Variants in HPCAL1 observed in about 807,000 individuals in gnomAD.
HPCAL1 encodes hippocalcin like 1.
A neutral mutation model predicts 17.1 loss-of-function variants in HPCAL1; 8 were observed. The ratio of observed to expected loss-of-function variants is 0.47; its 90% confidence interval spans 0.27 to 0.84. The LOEUF (loss-of-function observed/expected upper bound fraction) is 0.84, where lower values mean the gene tolerates loss of function less well. Ranked by LOEUF, HPCAL1 falls within the 40% of genes least tolerant of loss-of-function variation. HPCAL1 has a pLI of 0.13. For synonymous variants in HPCAL1, 112 were observed against 111.4 expected (o/e 1.01, Z -0.03); for missense variants, 165 against 271.1 (o/e 0.61, Z 2.75).
At chr2:10,328,273 T>G (rs1002471218) in intron 1 of HPCAL1, among the ~76,000 whole-genome samples, 1 of 152,238 alleles carries the variant, frequency 6.6e-6, no homozygotes, top group Non-Finnish European at 1.5e-5. Flanking sequence ...AGGATTTACA[T>G]TGGCGCTCAG....
intron 1 of HPCAL1, among the ~76,000 whole-genome samples, chr2:10,370,262 TG>T (rs1667126645): frequency 6.6e-6 from 1 of 152,224 alleles, no homozygotes; most frequent in South Asian, 2.1e-4. Flanking sequence ...GTGGAGCAGG[TG>T]GGACACCTGT....
chr2:10,392,989 C>T (rs1451906750), intron 1 of HPCAL1, among the ~76,000 whole-genome samples: 2 of 152,218 alleles, frequency 1.3e-5, no homozygotes, highest in Admixed American at 1.3e-4. Context: ...AAGGGCAGCA[C>T]AGAGCACCCT....
chr2:10,427,192 A>C lies in HPCAL1; in HGVS notation c.*371A>C. The C allele has an allele frequency of 4.5e-6, 1 of 221,668 alleles. No individual in the cohort carries two copies. Among genetic ancestry groups the C allele is most frequent in the Non-Finnish European group, 9.1e-6 (1 of 110,334 alleles). 13.7% of individuals were successfully genotyped at this position (221,668 alleles called of 1,614,324 possible). On this transcript the variant is annotated 3_prime_UTR_variant, in exon 5 of 5. Coordinates refer to ENST00000307845, the MANE Select transcript of HPCAL1 (RefSeq NM_002149.4). ...CCCATGCGTTTTGTGATCCCAAGTG[A>C]CTCTGTGGGAAGGGTGGGGACGAGG... is the stretch of plus-strand genomic sequence containing the variant.
In HPCAL1 at chr2:10,363,914, CCTGAGCCGACTCAG is replaced by C. The variant is rs2125494121; in HGVS notation, c.-110-32917_-110-32904del. On this transcript the variant is annotated intron_variant, in intron 1 of 4. Coordinates refer to ENST00000307845, the MANE Select transcript of HPCAL1 (RefSeq NM_002149.4). This position sits in a 1 kb window ranked among gnomAD's most constrained non-coding sequence, Gnocchi z 4.7. The stretch of plus-strand genomic sequence containing the variant: ...CTGCCTTCTGGTAAGCGTTTAGTGC[CCTGAGCCGACTCAG>C]CTGGTGCTCAGGGAGGCCTGATGAT... Among the ~76,000 whole-genome samples, 1 of 152,326 alleles carries C rather than the reference CCTGAGCCGACTCAG, an allele frequency of 6.6e-6. No individual in the cohort carries two copies. The highest frequency in any genetic ancestry group is 2.1e-4 in the South Asian group (1 of 4,826).
At chr2:10,411,619 A>G (rs1353594721) in intron 2 of HPCAL1, among the ~76,000 whole-genome samples, 1 of 152,170 alleles carries the variant, frequency 6.6e-6, no homozygotes, top group East Asian at 1.9e-4. Context: ...TGCCTACACC[A>G]TAACTCAAGC....
chr2:10,379,273 G>C (rs1258225888), intron 1 of HPCAL1, among the ~76,000 whole-genome samples: 3 of 151,858 alleles, frequency 2.0e-5, no homozygotes, highest in African/African-American at 7.3e-5. Flanking sequence ...CTTTCTGCTT[G>C]TAAATGTCCC....
At chr2:10,417,625 G>A (rs998522205) in intron 2 of HPCAL1, among the ~76,000 whole-genome samples, 10 of 152,234 alleles carry the variant, frequency 6.6e-5, no homozygotes, top group Admixed American at 5.2e-4. Context: ...TACAGACCAC[G>A]TAGGCAATGG....
intron 2 of HPCAL1, among the ~76,000 whole-genome samples, chr2:10,397,382 C>T (rs1283454072): frequency 1.3e-5 from 2 of 152,136 alleles, no homozygotes; most frequent in African/African-American, 2.4e-5. Context: ...GTCAGGGCCA[C>T]TCAGCCCTCT....
chr2:10,372,954 C>T (rs1046367605), intron 1 of HPCAL1, among the ~76,000 whole-genome samples: 12 of 152,258 alleles, frequency 7.9e-5, no homozygotes, highest in Non-Finnish European at 1.5e-4. Context: ...CTCCTGCCCC[C>T]AGAAGGAGGG....
intron 1 of HPCAL1, among the ~76,000 whole-genome samples, chr2:10,373,438 ACT>A (rs1667353339): frequency 6.6e-6 from 1 of 152,068 alleles, no homozygotes. Context: ...AGATCATCCG[ACT>A]CGATAATAGA....
Position 10,377,891 on chromosome 2 carries a change from C to G in HPCAL1, c.-110-18944C>G, listed in dbSNP as rs1451810116. ...CAAGCCACCAAGGGGACGGGGCAGG[C>G]ACAGGGAGGGCATTTCAGAGAGTGC... On this transcript the variant is annotated intron_variant, in intron 1 of 4. Coordinates refer to ENST00000307845, the MANE Select transcript of HPCAL1 (RefSeq NM_002149.4). This position sits in a 1 kb window ranked among gnomAD's most constrained non-coding sequence, Gnocchi z 5.9. 6.6e-6 allele frequency among the ~76,000 whole-genome samples: 1 copy of G among 152,038 alleles called. No homozygotes were observed.
At chr2:10,333,162 A>T (rs1664495697) in intron 1 of HPCAL1, among the ~76,000 whole-genome samples, 1 of 152,222 alleles carries the variant, frequency 6.6e-6, no homozygotes, top group Admixed American at 6.5e-5. Context: ...TAAATGCTAG[A>T]CAAAGATTCT....
chr2:10,387,247 A>ATG (rs1485573786), intron 1 of HPCAL1, among the ~76,000 whole-genome samples: 5 of 152,248 alleles, frequency 3.3e-5, no homozygotes, highest in Non-Finnish European at 7.3e-5. Context: ...TCCTTGTGCC[A>ATG]GCCTCACGGC....
chr2:10,360,599 G>C (rs959574849), intron 1 of HPCAL1, among the ~76,000 whole-genome samples: 3 of 152,126 alleles, frequency 2.0e-5, no homozygotes, highest in Non-Finnish European at 4.4e-5. Flanking sequence ...TTTTAGTAGA[G>C]ACAGGATTTC....
In HPCAL1 at chr2:10,342,081, G is replaced by T. The variant is rs1665126200; in HGVS notation, c.-111+38904G>T. On this transcript the variant is annotated intron_variant, in intron 1 of 4. Transcript: ENST00000307845. The surrounding 1 kb of genome is among the most constrained non-coding windows in gnomAD (Gnocchi z 4.1). ...GCTACTTGGGAGGCTAAGTTGGAAG[G>T]ATGACTTGAGCCCAGGAGGTTGAGG... Among the ~76,000 whole-genome samples, 1 of 151,882 alleles carries T rather than the reference G, an allele frequency of 6.6e-6. No individual in the cohort carries two copies. Among genetic ancestry groups the T allele is most frequent in the African/African-American group, 2.4e-5 (1 of 41,332 alleles).
chr2:10,390,664 T>C (rs1668630498), intron 1 of HPCAL1, among the ~76,000 whole-genome samples: 1 of 152,136 alleles, frequency 6.6e-6, no homozygotes, highest in African/African-American at 2.4e-5. Context: ...AGTGAGCATG[T>C]GAAGCCTGCG....
rs1177013214 is a variant in HPCAL1, at chr2:10,419,779, C to G, written c.22C>G (p.Leu8Val). The G allele has an allele frequency of 6.2e-7, 1 of 1,612,196 alleles. No homozygotes were observed. Among genetic ancestry groups the G allele is most frequent in the African/African-American group, 1.3e-5 (1 of 74,904 alleles). MGKQNSK[L>V]RPEVLQDLRE... The stretch of plus-strand genomic sequence containing the variant: ...CGCCATGGGCAAACAGAACAGCAAG[C>G]TGCGGCCCGAGGTGCTGCAGGACCT... Residue 8 changes from leucine to valine, a missense_variant, in exon 3 of 5, where the codon CTG (leucine) becomes GTG (valine). Leu to Val is a conservative substitution (Grantham distance 32). Transcript: ENST00000307845. The surrounding 1 kb of genome is among the most constrained non-coding windows in gnomAD (Gnocchi z 5.0).
At chr2:10,336,044 GCT>G (rs1219105397) in intron 1 of HPCAL1, among the ~76,000 whole-genome samples, 53 of 151,674 alleles carry the variant, frequency 3.5e-4, no homozygotes, top group African/African-American at 1.2e-3. Context: ...CATATCCTCT[GCT>G]GTAAATTAAT....
At chr2:10,388,740 A>G (rs1572786835) in intron 1 of HPCAL1, among the ~76,000 whole-genome samples, 1 of 152,212 alleles carries the variant, frequency 6.6e-6, no homozygotes, top group East Asian at 1.9e-4. Context: ...CTTACTGGGA[A>G]GGCCCATCTT....
Sources: allele counts gnomAD v4.1 joint callset (sites outside exome capture counted in the v4.1 genomes callset), GRCh38; gene constraint gnomAD v4.1.1; non-coding constraint Gnocchi (gnomAD v3.1); transcripts MANE v1.5; gene names NCBI Gene and HGNC (gene_info 2026-07-23, HGNC 2026-07-21).